Variants in PCCA observed in about 807,000 individuals in gnomAD.
PCCA encodes propionyl-CoA carboxylase subunit alpha.
Under a neutral mutation model 101.3 loss-of-function variants are expected in PCCA, and 74 were observed. The ratio of observed to expected loss-of-function variants is 0.73; its 90% CI spans 0.61 to 0.89. The LOEUF is 0.89. PCCA is among the 40% of genes least tolerant of loss of function. The pLI is 0.00. For synonymous variants in PCCA, 294 were observed against 313.6 expected (o/e 0.94, Z 0.66); for missense variants, 891 against 907.0 (o/e 0.98, Z 0.23).
intron 7 of PCCA, among the ~76,000 whole-genome samples, chr13:100,216,929 C>T (rs567948824): frequency 1.7e-4 from 26 of 149,022 alleles, no homozygotes; most frequent in African/African-American, 6.2e-4. Flanking sequence ...ATCAACATGG[C>T]GAAACCCCGT....
Position 100,111,973 on chromosome 13 carries a change from A to T in PCCA, c.232-20A>T. 6.3e-7 allele frequency: 1 copy of T among 1,585,422 alleles called. No individual in the cohort carries two copies. Among genetic ancestry groups the T allele is most frequent in the Non-Finnish European group, 8.7e-7 (1 of 1,155,388 alleles). On this transcript the variant is annotated intron_variant, in intron 3 of 23. Coordinates refer to ENST00000376285, the MANE Select transcript of PCCA (RefSeq NM_000282.4). The stretch of plus-strand genomic sequence containing the variant: ...TAAGTGTGAATCACTATTAATAGAC[A>T]TTAATATATTTTAAAATAGGTTATT...
chr13:100,302,635 TA>T, intron 13 of PCCA, among the ~76,000 whole-genome samples: 1 of 152,290 alleles, frequency 6.6e-6, no homozygotes, highest in South Asian at 2.1e-4. Flanking sequence ...TAGGTTATTT[TA>T]TTTTTTGCCC....
rs1340420343 is a variant in PCCA, at chr13:100,384,649, ATTATTATATGTATTCT to A, written c.1746+16078_1746+16093del. The stretch of plus-strand genomic sequence containing the variant: ...ACATCTTTTGTTCAAAAAATAGAAC[ATTATTATATGTATTCT>A]TTTGCCTCTATTGTCAGTTTTTAGG... On this transcript the variant is annotated intron_variant, in intron 19 of 23. Coordinates refer to ENST00000376285, the MANE Select transcript of PCCA (RefSeq NM_000282.4). 2.0e-5 allele frequency among the ~76,000 whole-genome samples: 3 copies of A among 152,300 alleles called. No homozygotes were observed. In the East Asian group the frequency reaches 5.8e-4, roughly 29 times the overall value.
intron 6 of PCCA, among the ~76,000 whole-genome samples, chr13:100,200,241 C>T (rs1438291969): frequency 6.6e-6 from 1 of 152,122 alleles, no homozygotes; most frequent in Non-Finnish European, 1.5e-5. Flanking sequence ...AGTAGGACTG[C>T]TGGAGCCTGC....
chr13:100,253,003 C>T (rs1215716655), intron 8 of PCCA, among the ~76,000 whole-genome samples: 2 of 152,140 alleles, frequency 1.3e-5, no homozygotes, highest in Non-Finnish European at 2.9e-5. Flanking sequence ...TCAGAGTGCT[C>T]GCTCTATCTT....
At chr13:100,132,349 A>G (rs969970269) in intron 4 of PCCA, among the ~76,000 whole-genome samples, 1 of 43,670 alleles carries the variant, frequency 2.3e-5, no homozygotes, top group Non-Finnish European at 5.1e-5. Context: ...ATCCTTTTCC[A>G]CCCTGACACT....
At chr13:100,470,577 T>C (rs1437205377) in intron 21 of PCCA, among the ~76,000 whole-genome samples, 2 of 152,132 alleles carry the variant, frequency 1.3e-5, no homozygotes, top group East Asian at 3.9e-4. Context: ...TGGAGATTCC[T>C]GAGGCCTTGT....
At chr13:100,150,144 C>T (rs2053120747) in intron 4 of PCCA, among the ~76,000 whole-genome samples, 1 of 151,172 alleles carries the variant, frequency 6.6e-6, no homozygotes, top group East Asian at 2.0e-4. Context: ...TCTCCTGCCT[C>T]AGCCTCCCGA....
chr13:100,427,387 A>G (rs1434683549), intron 20 of PCCA, among the ~76,000 whole-genome samples: 5 of 152,182 alleles, frequency 3.3e-5, no homozygotes, highest in African/African-American at 1.2e-4. Flanking sequence ...CTATTATGCA[A>G]ATTTTTTGTA....
intron 7 of PCCA, among the ~76,000 whole-genome samples, chr13:100,225,049 A>G (rs1410108228): frequency 6.6e-6 from 1 of 152,210 alleles, no homozygotes; most frequent in Non-Finnish European, 1.5e-5. Flanking sequence ...GAATTGTGGC[A>G]TTAGAAAACT....
chr13:100,252,636 G>A (rs893564019), intron 8 of PCCA, among the ~76,000 whole-genome samples: 1 of 152,156 alleles, frequency 6.6e-6, no homozygotes, highest in African/African-American at 2.4e-5. Flanking sequence ...TGTGTCTTGA[G>A]TAGGTAAATG....
chr13:100,495,450 G>GTAGT (rs2085207135), intron 21 of PCCA, among the ~76,000 whole-genome samples: 1 of 152,144 alleles, frequency 6.6e-6, no homozygotes, highest in South Asian at 2.1e-4. Flanking sequence ...TTGTTAACTT[G>GTAGT]TAGTTATTTG....
rs138461666 is a variant in PCCA, at chr13:100,304,562, T to G, written c.1284+1564T>G. Among the ~76,000 whole-genome samples the G allele has an allele frequency of 2.6e-3, 391 of 152,224 alleles. 4 individuals are homozygous for G. The South Asian group carries it at 0.028, about 11-fold the overall frequency. Reference sequence around the variant, plus strand: ...AGACATGGCGGGCTGGGAGTTGTGCTTAGGGGGAGAGGTGAATTGAGAATG... The same window carrying G: ...AGACATGGCGGGCTGGGAGTTGTGCGTAGGGGGAGAGGTGAATTGAGAATG... On this transcript the variant is annotated intron_variant, in intron 14 of 23. Coordinates refer to ENST00000376285, the MANE Select transcript of PCCA (RefSeq NM_000282.4).
At chr13:100,151,162 TAAAG>T (rs1193383596) in intron 4 of PCCA, 18 of 847,464 alleles carry the variant, frequency 2.1e-5, no homozygotes, top group African/African-American at 3.4e-5. Context: ...TAAAAGTTAA[TAAAG>T]AAGATGATTT....
chr13:100,247,567 G>T, intron 8 of PCCA, among the ~76,000 whole-genome samples: 1 of 143,862 alleles, frequency 7.0e-6, no homozygotes. Context: ...AGGCTGGAGT[G>T]CATTGGCACA....
At chr13:100,456,156 A>G (rs1170285906) in intron 21 of PCCA, among the ~76,000 whole-genome samples, 2 of 152,202 alleles carry the variant, frequency 1.3e-5, no homozygotes, top group African/African-American at 4.8e-5. Flanking sequence ...AATGAAGTAG[A>G]ACATCTTTTC....
At chr13:100,097,517 C>T (rs543736719) in intron 1 of PCCA, among the ~76,000 whole-genome samples, 4 of 152,164 alleles carry the variant, frequency 2.6e-5, no homozygotes, top group South Asian at 4.2e-4. Flanking sequence ...GTCGGGAGTT[C>T]GAGACCAGCC....
intron 15 of PCCA, 122 bp from the exon 16 acceptor site, chr13:100,309,711 C>A: frequency 1.6e-6 from 1 of 640,206 alleles, no homozygotes; most frequent in Non-Finnish European, 2.7e-6. Flanking sequence ...ACTGAACTAT[C>A]ATAAAATTTC....
chr13:100,097,061 T>C (rs1399802732), intron 1 of PCCA, among the ~76,000 whole-genome samples: 1 of 152,186 alleles, frequency 6.6e-6, no homozygotes, highest in Non-Finnish European at 1.5e-5. Context: ...TGAACAATAA[T>C]TAATTGGACC....
Sources: allele counts gnomAD v4.1 joint callset (sites outside exome capture counted in the v4.1 genomes callset), GRCh38; gene constraint gnomAD v4.1.1; transcripts MANE v1.5; gene names NCBI Gene and HGNC (gene_info 2026-07-23, HGNC 2026-07-21).